PHACTR2: variants seen among roughly 807,000 people sequenced by gnomAD.
The protein encoded by PHACTR2 is chromosome 6 open reading frame 56.
In PHACTR2, 30 loss-of-function variants were observed where a neutral mutation model predicts 76.0. The ratio of observed to expected loss-of-function variants is 0.39; its 90% CI spans 0.30 to 0.54. The LOEUF (loss-of-function observed/expected upper bound fraction) is 0.54, where lower values mean the gene tolerates loss of function less well. Among genes scored for constraint, PHACTR2 ranks in the 20% least tolerant of loss-of-function variants. PHACTR2 has a pLI of 0.61. For synonymous variants in PHACTR2, 292 were observed against 292.5 expected (o/e 1.00, Z 0.02); for missense variants, 696 against 781.1 (o/e 0.89, Z 1.30).
In PHACTR2 at chr6:143,652,390, C is replaced by CTGTTTGTTTGTTTGTT. The variant is rs112494577; in HGVS notation, c.13+44082_13+44097dup. On this transcript the variant is annotated intron_variant, in intron 1 of 11. Transcript: ENST00000305766. The surrounding 1 kb of genome is among the most constrained non-coding windows in gnomAD (Gnocchi z 4.5). Reference sequence around the variant, plus strand: ...CAGCTAGACAAAGGTACCTGCGCTGCTGTTTGTTTGTTTGTTTGTTTGTTT... The same window carrying CTGTTTGTTTGTTTGTT: ...CAGCTAGACAAAGGTACCTGCGCTGCTGTTTGTTTGTTTGTTTGTTTGTTTGTTTGTTTGTTTGTTT... 5.3e-5 allele frequency among the ~76,000 whole-genome samples: 8 copies of CTGTTTGTTTGTTTGTT among 151,998 alleles called. No homozygotes were observed. Among genetic ancestry groups the CTGTTTGTTTGTTTGTT allele is most frequent in the Middle Eastern group, 3.4e-3 (1 of 294 alleles).
At position 143,633,158 on chromosome 6, in the gene PHACTR2, A is replaced by G. The variant is rs1411216092; in HGVS notation, c.13+24836A>G. Among the ~76,000 whole-genome samples the G allele has an allele frequency of 6.6e-6, 1 of 152,208 alleles. No individual in the cohort carries two copies. The highest frequency in any genetic ancestry group is 2.4e-5 in the African/African-American group (1 of 41,454). On this transcript the variant is annotated intron_variant, in intron 1 of 11. Transcript: ENST00000305766. This position sits in a 1 kb window ranked among gnomAD's most constrained non-coding sequence, Gnocchi z 4.1. ...AATTGCTGAATCATAGGGTGAGAGT[A>G]TATTTAGTTTTATAAGAAACTGCTA...
Position 143,755,494 on chromosome 6 carries a change from T to C in PHACTR2, c.454+1582T>C, listed in dbSNP as rs1779277910. The C allele has an allele frequency of 2.6e-6, 1 of 386,212 alleles. No individual in the cohort carries two copies. The highest frequency in any genetic ancestry group is 3.2e-5 in the Admixed American group (1 of 31,586). The allele number at this position is 386,212 out of a possible 1,614,324, so 23.9% of individuals were successfully genotyped here. A position where few individuals can be genotyped will look rare whatever the true frequency, so the allele number is the denominator to read the frequency against. On this transcript the variant is annotated intron_variant, in intron 4 of 12. Coordinates refer to ENST00000440869, the MANE Select transcript of PHACTR2 (RefSeq NM_001100164.2). The surrounding 1 kb of genome is among the most constrained non-coding windows in gnomAD (Gnocchi z 5.2). ...TAATAAAAAGTTCCTGACAGTTTTA[T>C]ATGAATTAACCAACAGACCTTGATG...
intron 2 of PHACTR2, among the ~76,000 whole-genome samples, chr6:143,744,620 T>C (rs778099560): frequency 6.6e-6 from 1 of 152,078 alleles, no homozygotes; most frequent in Non-Finnish European, 1.5e-5. Flanking sequence ...TATGGCCTCC[T>C]GGGAAGGACA....
At position 143,765,667 on chromosome 6, in the gene PHACTR2, C is replaced by T. The variant is rs780791068; in HGVS notation, c.1101C>T (p.Leu367=). Residue 367 remains leucine, a synonymous_variant, in exon 6 of 13, where the codon CTC becomes CTT. Transcript: ENST00000440869. This position sits in a 1 kb window ranked among gnomAD's most constrained non-coding sequence, Gnocchi z 4.1. The stretch of plus-strand genomic sequence containing the variant: ...CTGCCTCAGACACTCCAGTTGTCCT[C>T]GTCAGCGTTGGAGCTGACCTGCCCG... ...CITASDTPVV[L]VSVGADLPVS... 5.0e-5 allele frequency: 80 copies of T among 1,614,018 alleles called. No individual in the cohort carries two copies. The highest frequency in any genetic ancestry group is 2.0e-4 in the African/African-American group (15 of 74,926).
At chr6:143,702,521 G>T (rs1342243290) in intron 1 of PHACTR2, among the ~76,000 whole-genome samples, 2 of 152,132 alleles carry the variant, frequency 1.3e-5, no homozygotes. Context: ...GGTATAGTGG[G>T]AAATAAGCCT....
rs1395742063 is a variant in PHACTR2 at position 143,678,061 on chromosome 6, C to T, written c.-103C>T. On this transcript the variant is annotated 5_prime_UTR_variant, in exon 1 of 13. Coordinates refer to ENST00000440869, the MANE Select transcript of PHACTR2 (RefSeq NM_001100164.2). The surrounding 1 kb of genome is among the most constrained non-coding windows in gnomAD (Gnocchi z 6.2). ...AGGGGACCCGGCGGGCCGCTCGGCA[C>T]AGGCCGGGACATGAACGCCTGGAAG... is the stretch of plus-strand genomic sequence containing the variant. The T allele has an allele frequency of 1.2e-5, 19 of 1,535,744 alleles. No individual in the cohort carries two copies. The highest frequency in any genetic ancestry group is 2.0e-5 in the Admixed American group (1 of 50,378).
At chr6:143,785,332 T>G (rs1158670723) in intron 10 of PHACTR2, among the ~76,000 whole-genome samples, 7 of 152,180 alleles carry the variant, frequency 4.6e-5, no homozygotes, top group Admixed American at 3.9e-4. Flanking sequence ...ATTATCTCCT[T>G]TGAATCCAGG....
At position 143,664,798 on chromosome 6, in the gene PHACTR2, A is replaced by G. The variant is rs571662559; in HGVS notation, c.14-47218A>G. On this transcript the variant is annotated intron_variant, in intron 1 of 11. Transcript: ENST00000305766. The surrounding 1 kb of genome is among the most constrained non-coding windows in gnomAD (Gnocchi z 5.1). ...CATTTTCTTTCTTTATTTTTATTTT[A>G]TTTTATTATTATTATTTTGAGACAC... Among the ~76,000 whole-genome samples, 1 of 151,262 alleles carries G rather than the reference A, an allele frequency of 6.6e-6. No individual in the cohort carries two copies. The highest frequency in any genetic ancestry group is 1.5e-5 in the Non-Finnish European group (1 of 67,812).
chr6:143,705,472 T>G, intron 1 of PHACTR2, among the ~76,000 whole-genome samples: 1 of 151,932 alleles, frequency 6.6e-6, no homozygotes, highest in East Asian at 1.9e-4. Flanking sequence ...TTTTTTGTAT[T>G]TTTAGTAGAG....
intron 1 of PHACTR2, among the ~76,000 whole-genome samples, chr6:143,563,239 A>G (rs1775306820): frequency 6.6e-6 from 1 of 152,118 alleles, no homozygotes; most frequent in African/African-American, 2.4e-5. Flanking sequence ...AAGTATGTAA[A>G]CCAGTTACGT....
rs1320955856 is a variant in PHACTR2, at chr6:143,561,316, T to G, written c.217+24109T>G. The G allele has an allele frequency of 6.6e-6, 1 of 152,346 alleles. No individual in the cohort carries two copies. The highest frequency in any genetic ancestry group is 1.5e-5 in the Non-Finnish European group (1 of 68,132). The allele number at this position is 152,346 out of a possible 1,614,324, so 9.4% of individuals were successfully genotyped here. A position where few individuals can be genotyped will look rare whatever the true frequency, so the allele number is the denominator to read the frequency against. On this transcript the variant is annotated intron_variant, in intron 1 of 11. Coordinates refer to the PHACTR2 transcript ENST00000367584. The surrounding 1 kb of genome is among the most constrained non-coding windows in gnomAD (Gnocchi z 4.1). ...GAAGCGGGGGCAGGGGCCTGCTGTC[T>G]CCTTTTTAACTCGGTCTCCAGAGCC...
intron 1 of PHACTR2, among the ~76,000 whole-genome samples, chr6:143,635,554 T>C (rs1469782165): frequency 6.6e-6 from 1 of 152,224 alleles, no homozygotes; most frequent in Non-Finnish European, 1.5e-5. Context: ...GTGCCTCTGT[T>C]TCCCACCAAC....
At position 143,826,728 on chromosome 6, in the gene PHACTR2, A is replaced by T. The variant is rs1451987126; in HGVS notation, c.*3039A>T. 10 of 152,220 alleles carry T rather than the reference A, an allele frequency of 6.6e-5. No individual in the cohort carries two copies. The highest frequency in any genetic ancestry group is 6.5e-4 in the Admixed American group (10 of 15,294). The allele number at this position is 152,220 out of a possible 1,614,324, so 9.4% of individuals were successfully genotyped here. ...GCATTCATTTAAGGCAGCTTGCCTGATAATTTCCTGTGTTATGTGAAGTGT... is the reference window on the plus strand; with the variant it reads ...GCATTCATTTAAGGCAGCTTGCCTGTTAATTTCCTGTGTTATGTGAAGTGT... On this transcript the variant is annotated 3_prime_UTR_variant, in exon 13 of 13. Transcript: ENST00000440869.
chr6:143,798,871 G>T (rs866735247), intron 11 of PHACTR2, among the ~76,000 whole-genome samples: 23 of 152,126 alleles, frequency 1.5e-4, no homozygotes, highest in Middle Eastern at 3.2e-3. Context: ...TCTCTGCCAG[G>T]CTTTGGTATC....
intron 2 of PHACTR2, among the ~76,000 whole-genome samples, chr6:143,744,159 T>C (rs1424096287): frequency 6.6e-6 from 1 of 152,178 alleles, no homozygotes; most frequent in African/African-American, 2.4e-5. Context: ...AGATCATCCA[T>C]AGGACAGAAG....
At position 143,830,298 on chromosome 6, in the gene PHACTR2, T is replaced by C. The variant is rs1028577344; in HGVS notation, c.*6609T>C. On this transcript the variant is annotated 3_prime_UTR_variant, in exon 13 of 13. Coordinates refer to ENST00000440869, the MANE Select transcript of PHACTR2 (RefSeq NM_001100164.2). ...CAAGTTTCTTTTTTTTTTTTTTTTTTCTGTGTAACAGGGATTTTTAAATAA... is the reference window on the plus strand; with the variant it reads ...CAAGTTTCTTTTTTTTTTTTTTTTTCCTGTGTAACAGGGATTTTTAAATAA... 2 of 150,164 alleles carry C rather than the reference T, an allele frequency of 1.3e-5. No individual in the cohort carries two copies. Among genetic ancestry groups the C allele is most frequent in the African/African-American group, 5.0e-5 (2 of 40,352 alleles). The allele number at this position is 150,164 out of a possible 1,614,324, so 9.3% of individuals were successfully genotyped here. A position where few individuals can be genotyped will look rare whatever the true frequency, so the allele number is the denominator to read the frequency against.
rs1321388618 is a variant in PHACTR2, at chr6:143,656,843, A to C, written c.13+48521A>C. 6.6e-6 allele frequency among the ~76,000 whole-genome samples: 1 copy of C among 152,226 alleles called. No individual in the cohort carries two copies. Among genetic ancestry groups the C allele is most frequent in the Non-Finnish European group, 1.5e-5 (1 of 68,048 alleles). Reference sequence around the variant, plus strand: ...GTTAATTCCCAAACTTAGTTTCAAAAAAACTATCTGCCAGGTTTCAAATGA... The same window carrying C: ...GTTAATTCCCAAACTTAGTTTCAAACAAACTATCTGCCAGGTTTCAAATGA... On this transcript the variant is annotated intron_variant, in intron 1 of 11. Transcript: ENST00000305766. The surrounding 1 kb of genome is among the most constrained non-coding windows in gnomAD (Gnocchi z 5.3).
At chr6:143,779,590 C>T (rs934665122) in intron 9 of PHACTR2, among the ~76,000 whole-genome samples, 3 of 151,994 alleles carry the variant, frequency 2.0e-5, no homozygotes, top group East Asian at 1.9e-4. Context: ...CTTCGTGATT[C>T]GCCCACCTTG....
At position 143,639,471 on chromosome 6, in the gene PHACTR2, T is replaced by A. The variant is rs1776527804; in HGVS notation, c.13+31149T>A. Among the ~76,000 whole-genome samples the A allele has an allele frequency of 6.6e-6, 1 of 152,224 alleles. No individual in the cohort carries two copies. The highest frequency in any genetic ancestry group is 6.5e-5 in the Admixed American group (1 of 15,276). On this transcript the variant is annotated intron_variant, in intron 1 of 11. Transcript: ENST00000305766. The surrounding 1 kb of genome is among the most constrained non-coding windows in gnomAD (Gnocchi z 5.0). ...ATAATTCTTATTTTTAATTCACACT[T>A]TTGTTTTCTGCTTATGTAGATCACC... is the stretch of plus-strand genomic sequence containing the variant.
Sources: gnomAD v4.1 joint callset for allele counts (sites outside exome capture counted in the v4.1 genomes callset) on GRCh38, gnomAD v4.1.1 for gene constraint, Gnocchi (gnomAD v3.1) non-coding constraint, MANE v1.5 for transcripts, NCBI Gene and HGNC (gene_info 2026-07-23, HGNC 2026-07-21) for gene names.